The following SEMA3E variants were observed in gnomAD, a reference collection of about 807,000 sequenced individuals.
SEMA3E encodes semaphorin 3E.
Under a neutral mutation model 93.6 loss-of-function variants are expected in SEMA3E, and 49 were observed. The ratio of observed to expected loss-of-function variants is 0.52; its 90% CI spans 0.42 to 0.66. The LOEUF is 0.66. Among genes scored for constraint, SEMA3E ranks in the 30% least tolerant of loss-of-function variants. The pLI is 0.00. For missense variants in SEMA3E, 906 were observed against 964.8 expected (o/e 0.94, Z 0.81); for synonymous variants, 363 against 330.7 (o/e 1.10, Z -1.06).
At position 83,539,553 on chromosome 7, in the gene SEMA3E, G is replaced by A. The variant is rs994881939; in HGVS notation, c.116-49279C>T. On this transcript the variant is annotated intron_variant, in intron 1 of 16. Coordinates refer to ENST00000643230, the MANE Select transcript of SEMA3E (RefSeq NM_012431.3). ...TTGGCTCTAAGCCTCCTTTATTCCA[G>A]TTTGGTTCCAGCTTTCTTGGTTTGC... is the stretch of plus-strand genomic sequence containing the variant. Among the ~76,000 whole-genome samples, 3 of 152,216 alleles carry A rather than the reference G, an allele frequency of 2.0e-5. No homozygotes were observed. In the South Asian group the frequency reaches 6.2e-4, roughly 32 times the overall value.
chr7:83,419,192 T>G (rs1453890735), intron 4 of SEMA3E, among the ~76,000 whole-genome samples: 1 of 152,186 alleles, frequency 6.6e-6, no homozygotes, highest in Non-Finnish European at 1.5e-5. Context: ...GATAATGACC[T>G]CTACCTACAT....
At chr7:83,459,904 G>A (rs1789574214) in intron 4 of SEMA3E, among the ~76,000 whole-genome samples, 1 of 152,036 alleles carries the variant, frequency 6.6e-6, no homozygotes. Context: ...CACCCCTACT[G>A]AGCACCTTGC....
At chr7:83,368,553 G>A (rs1051878425) in intron 16 of SEMA3E, among the ~76,000 whole-genome samples, 11 of 151,988 alleles carry the variant, frequency 7.2e-5, no homozygotes, top group Non-Finnish European at 1.0e-4. Context: ...TCACTTTGTC[G>A]TCTTACAAAA....
At chr7:83,416,707 T>A (rs1221043745) in intron 5 of SEMA3E, among the ~76,000 whole-genome samples, 1 of 152,016 alleles carries the variant, frequency 6.6e-6, no homozygotes, top group African/African-American at 2.4e-5. Flanking sequence ...CAAGATACTA[T>A]ATGGCACAAG....
At chr7:83,601,833 C>T (rs1350857885) in intron 1 of SEMA3E, among the ~76,000 whole-genome samples, 3 of 152,116 alleles carry the variant, frequency 2.0e-5, no homozygotes, top group East Asian at 1.9e-4. Context: ...ATCTCTGGTT[C>T]GTGAAACATC....
chr7:83,406,494 C>A (rs1369513856), intron 7 of SEMA3E, among the ~76,000 whole-genome samples: 1 of 151,754 alleles, frequency 6.6e-6, no homozygotes, highest in South Asian at 2.1e-4. Context: ...AACACCCATA[C>A]TATATATGTA....
rs372912718 is a variant in SEMA3E, at chr7:83,463,653, G to A, written c.456+2829C>T. Among the ~76,000 whole-genome samples, 63 of 152,030 alleles carry A rather than the reference G, an allele frequency of 4.1e-4. 1 individual carries two copies. The East Asian group carries it at 8.9e-3, about 22-fold the overall frequency. Reference sequence around the variant, plus strand: ...TGATCATGCTTGATTTATTGATGGCGGTTCCACCAGGCCTAATCACCACAC... The same window carrying A: ...TGATCATGCTTGATTTATTGATGGCAGTTCCACCAGGCCTAATCACCACAC... On this transcript the variant is annotated intron_variant, in intron 4 of 16. Transcript: ENST00000643230.
intron 4 of SEMA3E, among the ~76,000 whole-genome samples, chr7:83,448,854 A>C (rs1789291993): frequency 6.6e-6 from 1 of 152,112 alleles, no homozygotes; most frequent in African/African-American, 2.4e-5. Flanking sequence ...TGAGAGACAA[A>C]AGTTCATACA....
chr7:83,485,105 A>C (rs1790225837), intron 2 of SEMA3E, among the ~76,000 whole-genome samples: 1 of 152,198 alleles, frequency 6.6e-6, no homozygotes, highest in Non-Finnish European at 1.5e-5. Flanking sequence ...GCTTTTCCAC[A>C]TGCATGTCTC....
intron 16 of SEMA3E, among the ~76,000 whole-genome samples, 169 bp from the exon 17 acceptor site, chr7:83,368,207 CTCTGTG>C (rs1185931936): frequency 2.4e-3 from 304 of 128,880 alleles, no homozygotes; most frequent in Middle Eastern, 0.012. Flanking sequence ...CTCTCTCTCT[CTCTGTG>C]TGTGTGTGTG....
intron 1 of SEMA3E, among the ~76,000 whole-genome samples, chr7:83,645,553 A>G: frequency 6.6e-6 from 1 of 152,044 alleles, no homozygotes; most frequent in East Asian, 1.9e-4. Context: ...TCATCATTTT[A>G]TCCACCAGGC....
At chr7:83,626,180 G>A (rs555346825) in intron 1 of SEMA3E, among the ~76,000 whole-genome samples, 2 of 152,110 alleles carry the variant, frequency 1.3e-5, no homozygotes, top group Non-Finnish European at 2.9e-5. Context: ...TTGTGTGTGT[G>A]TCTCTTCCAG....
intron 2 of SEMA3E, among the ~76,000 whole-genome samples, chr7:83,480,091 T>C (rs1235781130): frequency 6.6e-6 from 1 of 152,210 alleles, no homozygotes; most frequent in African/African-American, 2.4e-5. Context: ...GAATTTTATT[T>C]TTGGTTAATA....
chr7:83,626,796 T>G (rs1793679424), intron 1 of SEMA3E, among the ~76,000 whole-genome samples: 1 of 152,174 alleles, frequency 6.6e-6, no homozygotes, highest in African/African-American at 2.4e-5. Context: ...AATTGTGATG[T>G]TAGGGTGTCA....
intron 16 of SEMA3E, among the ~76,000 whole-genome samples, chr7:83,369,476 G>T (rs1157945128): frequency 6.6e-6 from 1 of 152,116 alleles, no homozygotes; most frequent in Non-Finnish European, 1.5e-5. Flanking sequence ...TGCCCCAAAG[G>T]CATTTTTTTC....
intron 9 of SEMA3E, among the ~76,000 whole-genome samples, chr7:83,405,219 G>A (rs527401256): frequency 6.6e-6 from 1 of 152,146 alleles, no homozygotes; most frequent in East Asian, 1.9e-4. Flanking sequence ...GAGCACAGGA[G>A]GATTCTGGGT....
chr7:83,638,528 A>G (rs1793926362), intron 1 of SEMA3E, among the ~76,000 whole-genome samples: 1 of 152,212 alleles, frequency 6.6e-6, no homozygotes, highest in Non-Finnish European at 1.5e-5. Context: ...AAATATTTAA[A>G]TTATGTGCTA....
rs1369377764 is a variant in SEMA3E, at chr7:83,405,488, A to G, written c.960T>C (p.His320=). 1.2e-6 allele frequency: 2 copies of G among 1,612,952 alleles called. No individual in the cohort carries two copies. Among genetic ancestry groups the G allele is most frequent in the South Asian group, 1.1e-5 (1 of 91,066 alleles). Residue 320 remains histidine, a synonymous_variant, in exon 9 of 17, where the codon CAT becomes CAC. Transcript: ENST00000643230. ...AGAGTCCAAATATCACTGGATTCTT[A>G]TGATCTCTGGTAGGTAGCAAAAAAA... is the stretch of plus-strand genomic sequence containing the variant. The part of the protein sequence containing the change: ...EDVFLLPTRD[H]KNPVIFGLFN...
intron 1 of SEMA3E, among the ~76,000 whole-genome samples, chr7:83,517,451 C>T (rs1790953904): frequency 6.6e-6 from 1 of 152,128 alleles, no homozygotes; most frequent in African/African-American, 2.4e-5. Flanking sequence ...GGAAATGCTG[C>T]TTTTGCTACT....
Sources: gnomAD v4.1 joint callset for allele counts (sites outside exome capture counted in the v4.1 genomes callset) on GRCh38, gnomAD v4.1.1 for gene constraint, MANE v1.5 for transcripts, NCBI Gene and HGNC (gene_info 2026-07-23, HGNC 2026-07-21) for gene names.